Variants in NBEA observed in about 807,000 individuals in gnomAD.
The protein encoded by NBEA is neurobeachin.
A neutral mutation model predicts 343.4 loss-of-function variants in NBEA; 44 were observed. That is an observed-to-expected ratio of 0.13 (90% CI 0.10 to 0.16). The LOEUF is 0.16. NBEA is among the 10% of genes least tolerant of loss of function. The probability of loss-of-function intolerance (pLI) is 1.00; values close to 1 mark genes in which losing one functional copy is unlikely to be tolerated. For synonymous variants in NBEA, 1,175 were observed against 1,238.7 expected, an observed-to-expected ratio of 0.95 and a Z score of 1.08; for missense variants, 2,555 against 3,631.3, an observed-to-expected ratio of 0.70 and a Z score of 7.62.
chr13:35,425,234 A>T (rs1317553531), intron 38 of NBEA, among the ~76,000 whole-genome samples: 4 of 151,680 alleles, frequency 2.6e-5, no homozygotes, highest in Non-Finnish European at 4.4e-5. Context: ...TTTAATTGTG[A>T]TGTTAGGGTG....
At chr13:35,437,244 AT>A (rs2045490929) in intron 39 of NBEA, among the ~76,000 whole-genome samples, 1 of 152,136 alleles carries the variant, frequency 6.6e-6, no homozygotes, top group Non-Finnish European at 1.5e-5. Flanking sequence ...TTTTCAGGCA[AT>A]TTATTTGGTG....
intron 45 of NBEA, among the ~76,000 whole-genome samples, chr13:35,581,359 T>C (rs2081024936): frequency 6.6e-6 from 1 of 152,126 alleles, no homozygotes; most frequent in Admixed American, 6.5e-5. Flanking sequence ...GATTTGCATT[T>C]CTCTGATGGC....
rs763010944 is a variant in NBEA, at chr13:35,110,802, T to C, written c.1834-8T>C. On this transcript the variant is annotated splice_region_variant and splice_polypyrimidine_tract_variant and intron_variant, in intron 12 of 58. Coordinates refer to ENST00000379939, the MANE Select transcript of NBEA (RefSeq NM_001385012.1). The stretch of plus-strand genomic sequence containing the variant: ...TCATTTTAATGATCTGTTAATATTC[T>C]GTATTAGGTTCAGCTTTCCCTATAC... 4 of 1,601,566 alleles carry C rather than the reference T, an allele frequency of 2.5e-6. No homozygotes were observed. Among genetic ancestry groups the C allele is most frequent in the Non-Finnish European group, 3.4e-6 (4 of 1,170,288 alleles).
intron 31 of NBEA, among the ~76,000 whole-genome samples, chr13:35,198,752 T>G (rs970015701): frequency 6.6e-6 from 1 of 151,646 alleles, no homozygotes; most frequent in East Asian, 1.9e-4. Context: ...TGAGGTGATA[T>G]TGATGAAAGG....
chr13:35,581,193 C>A (rs549236637), intron 45 of NBEA, among the ~76,000 whole-genome samples: 1 of 152,192 alleles, frequency 6.6e-6, no homozygotes, highest in African/African-American at 2.4e-5. Flanking sequence ...TGAGGAATCG[C>A]CACACTGACT....
intron 11 of NBEA, among the ~76,000 whole-genome samples, chr13:35,101,071 A>G (rs1365846205): frequency 1.3e-5 from 2 of 151,232 alleles, no homozygotes; most frequent in Non-Finnish European, 3.0e-5. Context: ...ATTCCATTAG[A>G]TGTATATACA....
chr13:35,297,429 T>C (rs2036210131), intron 35 of NBEA, among the ~76,000 whole-genome samples: 1 of 152,068 alleles, frequency 6.6e-6, no homozygotes, highest in South Asian at 2.1e-4. Context: ...TAGAATAAGC[T>C]GCATTTCTAG....
intron 30 of NBEA, among the ~76,000 whole-genome samples, chr13:35,192,097 C>G (rs185261573): frequency 1.3e-5 from 2 of 152,054 alleles, no homozygotes; most frequent in Non-Finnish European, 2.9e-5. Context: ...CTGACATTGC[C>G]TGTTGCTACA....
chr13:35,668,696 G>T (rs540133259), intron 58 of NBEA, among the ~76,000 whole-genome samples, 177 bp downstream of exon 58: 1 of 152,144 alleles, frequency 6.6e-6, no homozygotes, highest in Non-Finnish European at 1.5e-5. Flanking sequence ...GGGAAACAGA[G>T]GAAGAGAATA....
intron 52 of NBEA, 86 bp from the exon 53 acceptor site, chr13:35,651,719 A>G: frequency 1.2e-6 from 1 of 801,936 alleles, no homozygotes; most frequent in Non-Finnish European, 2.1e-6. Flanking sequence ...TGCATTTTGT[A>G]AAATCATCAT....
Position 35,164,445 on chromosome 13 carries a change from T to C in NBEA, c.4169T>C (p.Val1390Ala), listed in dbSNP as rs1014496725. The change falls in exon 24 of 59, where the codon GTA (valine) becomes GCA (alanine). Residue 1390 changes from valine (V) to alanine (A), a missense_variant. Physicochemically the swap from Val to Ala is moderately conservative, Grantham distance 64. This residue lies in a region of NBEA where 69 missense variants were observed against 128.8 expected (regional missense o/e 0.54). Coordinates refer to ENST00000379939, the MANE Select transcript of NBEA (RefSeq NM_001385012.1). ...HNTIHLISQM[V>A]DNIIIACGGI... is the part of the protein sequence containing the mutation. ...ACAATTCACCTCATTTCCCAAATGG[T>C]AGACAACATCATCATTGCTTGTGGA... is the stretch of plus-strand genomic sequence containing the variant. The C allele has an allele frequency of 6.2e-6, 10 of 1,609,546 alleles. No individual in the cohort carries two copies. The highest frequency in any genetic ancestry group is 8.5e-6 in the Non-Finnish European group (10 of 1,177,656).
intron 44 of NBEA, among the ~76,000 whole-genome samples, chr13:35,557,653 G>A (rs1367068476): frequency 6.6e-6 from 1 of 151,962 alleles, no homozygotes; most frequent in Admixed American, 6.6e-5. Flanking sequence ...CCTGACTATT[G>A]TAAGCAATGG....
chr13:35,087,993 G>A (rs181377607), intron 10 of NBEA, among the ~76,000 whole-genome samples: 226 of 151,990 alleles, frequency 1.5e-3, no homozygotes, highest in Middle Eastern at 3.4e-3. Flanking sequence ...ATGTAACACA[G>A]GGAAGAAGAA....
intron 38 of NBEA, among the ~76,000 whole-genome samples, chr13:35,363,157 A>G (rs2040910167): frequency 6.6e-6 from 1 of 151,982 alleles, no homozygotes; most frequent in African/African-American, 2.4e-5. Flanking sequence ...TGGTTGGTAG[A>G]AAATGTAATA....
At chr13:35,589,971 A>G (rs1426673445) in intron 46 of NBEA, among the ~76,000 whole-genome samples, 1 of 152,134 alleles carries the variant, frequency 6.6e-6, no homozygotes, top group Non-Finnish European at 1.5e-5. Flanking sequence ...AATTCCTGAA[A>G]TTACCGTTTA....
At chr13:35,022,580 C>T (rs1371617082) in intron 1 of NBEA, among the ~76,000 whole-genome samples, 3 of 151,998 alleles carry the variant, frequency 2.0e-5, no homozygotes, top group Admixed American at 2.0e-4. Flanking sequence ...AAACAATTAT[C>T]TAAAATTCAT....
At chr13:35,251,598 G>C in intron 34 of NBEA, 2 of 1,228,950 alleles carry the variant, frequency 1.6e-6, no homozygotes, top group Non-Finnish European at 1.0e-6. Flanking sequence ...AAGCCAAACA[G>C]GTAGCTCAGC....
At position 35,173,556 on chromosome 13, in the gene NBEA, G is replaced by A; in HGVS notation, c.4516G>A (p.Glu1506Lys). 6.2e-7 allele frequency: 1 copy of A among 1,612,110 alleles called. No individual in the cohort carries two copies. Among genetic ancestry groups the A allele is most frequent in the Non-Finnish European group, 8.5e-7 (1 of 1,178,730 alleles). Residue 1506 changes from glutamate (E) to lysine (K), a missense_variant, in exon 27 of 59, where the codon GAA becomes AAA. By Grantham distance (56) the Glu-to-Lys change is moderately conservative (BLOSUM62 1). Transcript: ENST00000379939. ...KSSHGSSKPQEVPQSVTATAA... is the reference protein window; with the variant it reads ...KSSHGSSKPQKVPQSVTATAA... ...TTCCCATGGAAGCAGTAAACCTCAG[G>A]AAGTTCCTCAAAGTGTGACTGCTAC...
intron 57 of NBEA, 82 bp from the exon 58 acceptor site, chr13:35,668,286 T>G (rs903752040): frequency 1.9e-5 from 27 of 1,419,770 alleles, no homozygotes; most frequent in African/African-American, 2.9e-5. Context: ...GTTGGCTATT[T>G]AGGAAAAATT....
Sources: gnomAD v4.1 joint callset for allele counts (sites outside exome capture counted in the v4.1 genomes callset) on GRCh38, gnomAD v4.1.1 for gene constraint, gnomAD v4.1.1 regional missense constraint, MANE v1.5 for transcripts, NCBI Gene and HGNC (gene_info 2026-07-23, HGNC 2026-07-21) for gene names.